Variants in POTEI observed in about 807,000 individuals in gnomAD.
The protein encoded by POTEI is POTE ankyrin domain family member I, also known as POTE ankyrin domain family, member I.
Under a neutral mutation model 43.4 loss-of-function variants are expected in POTEI, and 14 were observed. That is an observed-to-expected ratio of 0.32 (90% CI 0.21 to 0.50). POTEI has a LOEUF of 0.50. Ranked by LOEUF, POTEI falls within the 20% of genes least tolerant of loss-of-function variation. The probability of loss-of-function intolerance (pLI) is 0.98; values close to 1 mark genes in which losing one functional copy is unlikely to be tolerated. For synonymous variants in POTEI, 95 were observed against 297.9 expected, an observed-to-expected ratio of 0.32 and a Z score of 7.01; for missense variants, 235 against 795.4, an observed-to-expected ratio of 0.30 and a Z score of 8.47.
At position 130,460,153 on chromosome 2, in the gene POTEI, A is replaced by C. The variant is rs913310888; in HGVS notation, c.*2663T>G. On this transcript the variant is annotated 3_prime_UTR_variant, in exon 15 of 15. Transcript: ENST00000451531. ...ACGGAAGCTATGGTGTGGGCATCTA[A>C]GAGTGCCCCGTAAGCAGGTGTGGCC... 1 of 150,778 alleles carries C rather than the reference A, an allele frequency of 6.6e-6. No individual in the cohort carries two copies. The highest frequency in any genetic ancestry group is 1.5e-5 in the Non-Finnish European group (1 of 68,172). The allele number at this position is 150,778 out of a possible 1,614,324, so 9.3% of individuals were successfully genotyped here.
intron 9 of POTEI, among the ~76,000 whole-genome samples, chr2:130,483,552 G>T (rs1362147195): frequency 8.4e-6 from 1 of 118,444 alleles, no homozygotes; most frequent in South Asian, 3.3e-4. Flanking sequence ...TTTTAAAAAT[G>T]CAGACAATTA....
In POTEI at chr2:130,461,379, C is replaced by G. The variant is rs1010503482; in HGVS notation, c.*1437G>C. ...GAGACCTCTGTCGGCCAGAGAACAGCAGTCAAGGTAGCCAGAGACCCTGGT... is the reference window on the plus strand; with the variant it reads ...GAGACCTCTGTCGGCCAGAGAACAGGAGTCAAGGTAGCCAGAGACCCTGGT... On this transcript the variant is annotated 3_prime_UTR_variant, in exon 15 of 15. Coordinates refer to ENST00000451531, the MANE Select transcript of POTEI (RefSeq NM_001277406.2). The G allele has an allele frequency of 2.2e-4, 33 of 151,998 alleles. 1 individual carries two copies. Among genetic ancestry groups the G allele is most frequent in the African/African-American group, 7.8e-4 (32 of 41,270 alleles). 9.4% of individuals were successfully genotyped at this position (151,998 alleles called of 1,614,324 possible). A position where few individuals can be genotyped will look rare whatever the true frequency, so the allele number is the denominator to read the frequency against.
rs55898075 is a variant in POTEI, at chr2:130,507,416, GTA to G, written c.521+1297_521+1298del. ...TATATGTATATATGTGTATATATAT[GTA>G]TATATATATATATCTGCGTATATAA... On this transcript the variant is annotated intron_variant, in intron 1 of 14. Transcript: ENST00000451531. Among the ~76,000 whole-genome samples the G allele has an allele frequency of 5.9e-3, 550 of 93,766 alleles. 45 individuals carry two copies. The highest frequency in any genetic ancestry group is 0.025 in the African/African-American group (520 of 20,698). The allele number at this position is 93,766 out of a possible 152,430, so 61.5% of individuals were successfully genotyped here.
Position 130,509,122 on chromosome 2 carries a change from G to A in POTEI, c.114C>T (p.Ser38=), listed in dbSNP as rs548772249. ...CRHCFPCCRG[S]GKSNVGTSGD... is the part of the protein sequence containing the mutation. ...CAGAAGTGCCCACGTTGCTCTTGCC[G>A]CTCCCCCTGCAGCAGGGGAAGCAGT... Residue 38 remains serine, a synonymous_variant, in exon 1 of 15, where the codon AGC becomes AGT. Transcript: ENST00000451531. 597 of 1,509,882 alleles carry A rather than the reference G, an allele frequency of 4.0e-4. 23 individuals are homozygous for A. Among genetic ancestry groups the A allele is most frequent in the South Asian group, 7.7e-4 (66 of 85,948 alleles). 93.5% of individuals were successfully genotyped at this position (1,509,882 alleles called of 1,614,324 possible).
rs767607371 is a variant in POTEI at position 130,509,123 on chromosome 2, C to G, written c.113G>C (p.Ser38Thr). Reference protein sequence around the residue: ...CRHCFPCCRGSGKSNVGTSGD... With the variant: ...CRHCFPCCRGTGKSNVGTSGD... ...AGAAGTGCCCACGTTGCTCTTGCCGCTCCCCCTGCAGCAGGGGAAGCAGTG... is the reference window on the plus strand; with the variant it reads ...AGAAGTGCCCACGTTGCTCTTGCCGGTCCCCCTGCAGCAGGGGAAGCAGTG... Residue 38 changes from serine (S) to threonine (T), a missense_variant, in exon 1 of 15, where the codon AGC becomes ACC. Physicochemically the swap from Ser to Thr is moderately conservative, Grantham distance 58 (BLOSUM62 1). Transcript: ENST00000451531. 3.3e-6 allele frequency: 5 copies of G among 1,521,940 alleles called. No homozygotes were observed. The African/African-American group carries it at 8.5e-5, about 26-fold the overall frequency. 94.3% of individuals were successfully genotyped at this position (1,521,940 alleles called of 1,614,324 possible). A position where few individuals can be genotyped will look rare whatever the true frequency, so the allele number is the denominator to read the frequency against.
intron 9 of POTEI, among the ~76,000 whole-genome samples, chr2:130,485,276 C>T (rs1285634743): frequency 1.3e-5 from 2 of 150,530 alleles, no homozygotes; most frequent in Non-Finnish European, 2.9e-5. Flanking sequence ...GAGGCCAAGG[C>T]AGACAGATCA....
At position 130,479,785 on chromosome 2, in the gene POTEI, C is replaced by A. The variant is rs1471640505; in HGVS notation, c.1480+2218G>T. 4.7e-4 allele frequency among the ~76,000 whole-genome samples: 18 copies of A among 38,068 alleles called. 5 individuals carry two copies. The highest frequency in any genetic ancestry group is 1.7e-3 in the African/African-American group (18 of 10,414). The allele number at this position is 38,068 out of a possible 152,430, so 25.0% of individuals were successfully genotyped here. ...CCCCTGCTCAAATTTCTCCAATGAG[C>A]CCCTGCAGCACACATTGTTGGCTCC... On this transcript the variant is annotated intron_variant, in intron 10 of 14. Coordinates refer to ENST00000451531, the MANE Select transcript of POTEI (RefSeq NM_001277406.2).
At position 130,509,012 on chromosome 2, in the gene POTEI, C is replaced by A. The variant is rs1221592814; in HGVS notation, c.224G>T (p.Ser75Ile). Reference sequence around the variant, plus strand: ...AGAAGTGCCCACGTTGCTCTTGCCACTCCCCCTGCAGCAGGGGAAGCAGTG... The same window carrying A: ...AGAAGTGCCCACGTTGCTCTTGCCAATCCCCCTGCAGCAGGGGAAGCAGTG... ...CCHCFPCCRG[S>I]GKSNVGTSGD... The change falls in exon 1 of 15, where the codon AGT (serine) becomes ATT (isoleucine). Residue 75 changes from serine to isoleucine, a missense_variant. By Grantham distance (142) the Ser-to-Ile change is moderately radical. Coordinates refer to ENST00000451531, the MANE Select transcript of POTEI (RefSeq NM_001277406.2). 2.0e-6 allele frequency: 3 copies of A among 1,521,044 alleles called. No homozygotes were observed. Among genetic ancestry groups the A allele is most frequent in the Non-Finnish European group, 2.7e-6 (3 of 1,109,086 alleles). 94.2% of individuals were successfully genotyped at this position (1,521,044 alleles called of 1,614,324 possible). A position where few individuals can be genotyped will look rare whatever the true frequency, so the allele number is the denominator to read the frequency against.
At chr2:130,484,646 C>A (rs1235529844) in intron 9 of POTEI, among the ~76,000 whole-genome samples, 8 of 97,222 alleles carry the variant, frequency 8.2e-5, no homozygotes, top group African/African-American at 2.1e-4. Context: ...GTGGCTGAAG[C>A]AGAGCAAGGG....
At chr2:130,479,397 T>C (rs1192519640) in intron 10 of POTEI, among the ~76,000 whole-genome samples, 7 of 109,534 alleles carry the variant, frequency 6.4e-5, no homozygotes, top group African/African-American at 2.2e-4. Flanking sequence ...AATACATTGA[T>C]GCTACTCCAA....
At chr2:130,484,245 C>T (rs1333823967) in intron 9 of POTEI, among the ~76,000 whole-genome samples, 1 of 149,432 alleles carries the variant, frequency 6.7e-6, no homozygotes, top group Non-Finnish European at 1.5e-5. Flanking sequence ...ATATCAAAGA[C>T]TCTAAGAAAC....
At chr2:130,482,353 A>G (rs1683418700) in intron 9 of POTEI, among the ~76,000 whole-genome samples, 2 of 149,146 alleles carry the variant, frequency 1.3e-5, no homozygotes, top group African/African-American at 5.1e-5. Context: ...AACTCTAAAT[A>G]AGTCCTAGCT....
At chr2:130,474,169 A>T (rs1414089638) in intron 13 of POTEI, among the ~76,000 whole-genome samples, 2 of 151,344 alleles carry the variant, frequency 1.3e-5, no homozygotes, top group Non-Finnish European at 2.9e-5. Flanking sequence ...TTTCCCTCAC[A>T]TTTGCCAATA....
chr2:130,497,650 T>A (rs1354608509), intron 5 of POTEI: 1 of 47,722 alleles, frequency 2.1e-5, no homozygotes, highest in African/African-American at 4.7e-5. Flanking sequence ...GAAATCACAA[T>A]TTCAATATTT....
chr2:130,479,210 A>G (rs1683310730), intron 10 of POTEI, among the ~76,000 whole-genome samples: 1 of 149,728 alleles, frequency 6.7e-6, no homozygotes, highest in Non-Finnish European at 1.5e-5. Flanking sequence ...GGGAACATAA[A>G]CATTTACAAA....
At chr2:130,474,281 T>C in intron 13 of POTEI, 97 bp downstream of exon 13, 1 of 456,244 alleles carries the variant, frequency 2.2e-6, no homozygotes, top group Non-Finnish European at 4.0e-6. Context: ...AATATCCTAA[T>C]AAAAGTATAA....
intron 13 of POTEI, among the ~76,000 whole-genome samples, chr2:130,468,671 G>C (rs1455133734): frequency 6.8e-6 from 1 of 148,094 alleles, no homozygotes; most frequent in Non-Finnish European, 1.5e-5. Flanking sequence ...AATTTGACAT[G>C]AGATTTGCAT....
rs1204460426 is a variant in POTEI, at chr2:130,489,552, C to T, written c.1198-273G>A. Among the ~76,000 whole-genome samples, 10 of 9,092 alleles carry T rather than the reference C, an allele frequency of 1.1e-3. 4 individuals carry two copies. The highest frequency in any genetic ancestry group is 1.2e-3 in the African/African-American group (10 of 8,464). The allele number at this position is 9,092 out of a possible 152,430, so 6.0% of individuals were successfully genotyped here. On this transcript the variant is annotated intron_variant, in intron 7 of 14. Transcript: ENST00000451531. ...ACCTTAGCCCAACGAAGAAAAAAAA[C>T]GTGAACCAGCAAACTTAACTTGGTC...
chr2:130,483,618 G>T (rs1423245875), intron 9 of POTEI, among the ~76,000 whole-genome samples: 5 of 67,718 alleles, frequency 7.4e-5, no homozygotes, highest in Non-Finnish European at 1.6e-4. Context: ...TTTTTGAGAC[G>T]GAGTCTTGCT....
Sources: gnomAD v4.1 joint callset for allele counts (sites outside exome capture counted in the v4.1 genomes callset) on GRCh38, gnomAD v4.1.1 for gene constraint, MANE v1.5 for transcripts, NCBI Gene and HGNC (gene_info 2026-07-23, HGNC 2026-07-21) for gene names.